Variants in UNC13C observed in about 807,000 individuals in gnomAD.
UNC13C encodes unc-13 homolog C.
A neutral mutation model predicts 245.4 loss-of-function variants in UNC13C; 174 were observed. The ratio of observed to expected loss-of-function variants is 0.71; its 90% CI spans 0.63 to 0.80. The LOEUF (loss-of-function observed/expected upper bound fraction) is 0.80. UNC13C is among the 30% of genes least tolerant of loss of function. The pLI, the probability that UNC13C is intolerant of heterozygous loss-of-function variation, is 0.00. For synonymous variants in UNC13C, 992 were observed against 895.1 expected (o/e 1.11, Z -1.93); for missense variants, 2,829 against 2,602.9 (o/e 1.09, Z -1.89).
chr15:54,037,664 T>G (rs528974402), intron 2 of UNC13C, among the ~76,000 whole-genome samples: 2 of 152,282 alleles, frequency 1.3e-5, no homozygotes, highest in African/African-American at 2.4e-5. Flanking sequence ...TTTTTGGATG[T>G]GGTGTTCACT....
intron 1 of UNC13C, among the ~76,000 whole-genome samples, chr15:53,997,946 GTGT>G (rs1407190480): frequency 6.6e-6 from 1 of 151,906 alleles, no homozygotes; most frequent in East Asian, 1.9e-4. Context: ...GGGACTACAG[GTGT>G]GCGCCACCAT....
At chr15:54,571,370 G>C (rs535746862) in intron 30 of UNC13C, among the ~76,000 whole-genome samples, 20 of 152,270 alleles carry the variant, frequency 1.3e-4, no homozygotes, top group African/African-American at 4.6e-4. Context: ...TTAATCACTA[G>C]CATGATAGCA....
At chr15:54,068,769 T>G (rs1898185024) in intron 2 of UNC13C, among the ~76,000 whole-genome samples, 1 of 152,214 alleles carries the variant, frequency 6.6e-6, no homozygotes, top group Non-Finnish European at 1.5e-5. Flanking sequence ...AGTAGTCAGT[T>G]TCAGAAAAGT....
At chr15:53,993,391 C>T (rs1894477557) in intron 1 of UNC13C, among the ~76,000 whole-genome samples, 1 of 152,098 alleles carries the variant, frequency 6.6e-6, no homozygotes, top group African/African-American at 2.4e-5. Context: ...CCGTGAACCT[C>T]TCTCAGGGAG....
At chr15:54,252,683 A>G (rs539425438) in intron 8 of UNC13C, among the ~76,000 whole-genome samples, 1 of 152,312 alleles carries the variant, frequency 6.6e-6, no homozygotes, top group South Asian at 2.1e-4. Flanking sequence ...GACACTATAT[A>G]TGAGATAATT....
chr15:54,247,805 T>C (rs1460355673), intron 7 of UNC13C, among the ~76,000 whole-genome samples: 1 of 152,126 alleles, frequency 6.6e-6, no homozygotes, highest in Non-Finnish European at 1.5e-5. Context: ...TTACTCTCCC[T>C]TTACATGAAA....
At chr15:54,428,822 G>T (rs955761112) in intron 19 of UNC13C, among the ~76,000 whole-genome samples, 5 of 151,566 alleles carry the variant, frequency 3.3e-5, no homozygotes, top group African/African-American at 1.2e-4. Context: ...AATATTGATA[G>T]ATTGCAAATG....
intron 3 of UNC13C, 49 bp downstream of exon 3, chr15:54,143,089 A>G (rs771469118): frequency 3.9e-6 from 6 of 1,557,812 alleles, no homozygotes; most frequent in East Asian, 2.2e-5. Context: ...TGTCTTTTGT[A>G]CATGTTTGTT....
chr15:54,403,064 A>T (rs1282719682), intron 18 of UNC13C, among the ~76,000 whole-genome samples: 1 of 152,194 alleles, frequency 6.6e-6, no homozygotes, highest in African/African-American at 2.4e-5. Context: ...CCTGCCCTGC[A>T]ATATGAACAT....
At chr15:53,923,808 C>A in the UNC13C span, among the ~76,000 whole-genome samples, 1 of 152,214 alleles carries the variant, frequency 6.6e-6, no homozygotes, top group Admixed American at 6.5e-5. Context: ...CCACGCTTAG[C>A]ACATTTGGAT....
intron 24 of UNC13C, among the ~76,000 whole-genome samples, chr15:54,517,234 C>T (rs1895020209): frequency 6.6e-6 from 1 of 151,838 alleles, no homozygotes; most frequent in African/African-American, 2.4e-5. Context: ...TCAGGAATTA[C>T]AAAATATAGA....
At chr15:53,924,335 G>C in the UNC13C span, among the ~76,000 whole-genome samples, 47 of 152,266 alleles carry the variant, frequency 3.1e-4, 1 homozygote, top group South Asian at 5.6e-3. Context: ...CAGAAACCTC[G>C]TAATCTTTTT....
chr15:54,238,923 C>T (rs2035779276), intron 7 of UNC13C, among the ~76,000 whole-genome samples: 1 of 152,198 alleles, frequency 6.6e-6, no homozygotes, highest in African/African-American at 2.4e-5. Context: ...TTCTCAGCCA[C>T]TCTGATTTAA....
At chr15:54,342,265 A>G (rs767885080) in intron 17 of UNC13C, among the ~76,000 whole-genome samples, 25 of 152,138 alleles carry the variant, frequency 1.6e-4, no homozygotes, top group Admixed American at 3.3e-4. Flanking sequence ...TTCCCTCTTG[A>G]TGACACATCT....
chr15:53,850,234 C>T, the UNC13C span, among the ~76,000 whole-genome samples: 8 of 151,550 alleles, frequency 5.3e-5, no homozygotes, highest in South Asian at 2.1e-4. Flanking sequence ...GGCAACATAT[C>T]GAGACCCCAT....
intron 4 of UNC13C, among the ~76,000 whole-genome samples, chr15:54,159,359 A>G (rs1038616197): frequency 6.6e-6 from 1 of 152,254 alleles, no homozygotes; most frequent in Non-Finnish European, 1.5e-5. Context: ...GGAAAACTAA[A>G]GGAAGAAGAC....
chr15:54,181,343 G>C (rs182574484), intron 4 of UNC13C, among the ~76,000 whole-genome samples: 4 of 152,082 alleles, frequency 2.6e-5, no homozygotes, highest in Non-Finnish European at 5.9e-5. Flanking sequence ...TCTCTCTTCT[G>C]TTCCATTGGT....
chr15:54,060,661 A>G (rs1400763602), intron 2 of UNC13C, among the ~76,000 whole-genome samples: 2 of 152,012 alleles, frequency 1.3e-5, no homozygotes, highest in Admixed American at 6.6e-5. Flanking sequence ...ATAAAGACAC[A>G]TGCACACGTA....
intron 17 of UNC13C, among the ~76,000 whole-genome samples, chr15:54,347,940 C>T (rs1003511024): frequency 6.6e-6 from 1 of 152,072 alleles, no homozygotes; most frequent in African/African-American, 2.4e-5. Flanking sequence ...GTGATACAGT[C>T]TTTATCTCTA....
Sources: gnomAD v4.1 joint callset for allele counts (sites outside exome capture counted in the v4.1 genomes callset) on GRCh38, gnomAD v4.1.1 for gene constraint, MANE v1.5 for transcripts, NCBI Gene and HGNC (gene_info 2026-07-23, HGNC 2026-07-21) for gene names.